The following PCDHB13 variants were observed in gnomAD, a reference collection of about 807,000 sequenced individuals.
PCDHB13 encodes protocadherin beta 13, also known as protocadherin beta-13.
For synonymous variants in PCDHB13, 515 were observed against 450.7 expected (o/e 1.14, Z -1.81); for missense variants, 1,065 against 1,016.7 (o/e 1.05, Z -0.65).
Position 141,218,597 on chromosome 5 carries a change from C to A in PCDHB13, c.*2077C>A, listed in dbSNP as rs1588393820. 6.6e-6 allele frequency: 1 copy of A among 152,670 alleles called. No individual in the cohort carries two copies. Among genetic ancestry groups the A allele is most frequent in the Non-Finnish European group, 1.5e-5 (1 of 68,662 alleles). The allele number at this position is 152,670 out of a possible 1,614,324, so 9.5% of individuals were successfully genotyped here. On this transcript the variant is annotated 3_prime_UTR_variant, in exon 1 of 1. Transcript: ENST00000341948. ...GGGACCACAGGCACATGCCACCCCC[C>A]ACAGCTATTTTTGTTTGTTTGTTTG...
chr5:141,214,532 A>C lies in PCDHB13; in HGVS notation c.409A>C (p.Lys137Gln). 1 of 1,613,868 alleles carries C rather than the reference A, an allele frequency of 6.2e-7. No homozygotes were observed. The highest frequency in any genetic ancestry group is 8.5e-7 in the Non-Finnish European group (1 of 1,179,932). Reference sequence around the variant, plus strand: ...CGACCACTCTCCAGTATTTCTGGACAAACAAATGTTGGTGAAAGTATCAGA... The same window carrying C: ...CGACCACTCTCCAGTATTTCTGGACCAACAAATGTTGGTGAAAGTATCAGA... Reference protein sequence around the residue: ...INDHSPVFLDKQMLVKVSESS... With the variant: ...INDHSPVFLDQQMLVKVSESS... The change falls in exon 1 of 1, where the codon AAA becomes CAA. Residue 137 changes from lysine (K) to glutamine (Q), a missense_variant. Physicochemically the swap from Lys to Gln is moderately conservative, Grantham distance 53. Transcript: ENST00000341948.
rs1174962941 is a variant in PCDHB13, at chr5:141,218,576, C to G, written c.*2056C>G. 1.3e-5 allele frequency: 2 copies of G among 152,748 alleles called. No homozygotes were observed. Among genetic ancestry groups the G allele is most frequent in the Non-Finnish European group, 2.9e-5 (2 of 68,414 alleles). 9.5% of individuals were successfully genotyped at this position (152,748 alleles called of 1,614,324 possible). ...GACGCAGCATCCCAAGTAGCCGGGA[C>G]CACAGGCACATGCCACCCCCCACAG... On this transcript the variant is annotated 3_prime_UTR_variant, in exon 1 of 1. Transcript: ENST00000341948.
Position 141,214,814 on chromosome 5 carries a change from A to G in PCDHB13, c.691A>G (p.Ile231Val), listed in dbSNP as rs782548849. The stretch of plus-strand genomic sequence containing the variant: ...CAGATCTGGCACTGCTCAGGTCTAC[A>G]TCGAAGTCCTGGATGTCAACGATAA... ...PPRSGTAQVY[I>V]EVLDVNDNAP... Residue 231 changes from isoleucine (I) to valine (V), a missense_variant, in exon 1 of 1, where the codon ATC (isoleucine) becomes GTC (valine). By Grantham distance (29) the Ile-to-Val change is conservative (BLOSUM62 3). Transcript: ENST00000341948. 1.7e-5 allele frequency: 28 copies of G among 1,614,122 alleles called. No homozygotes were observed. The highest frequency in any genetic ancestry group is 3.3e-4 in the Middle Eastern group (2 of 6,084).
At position 141,215,974 on chromosome 5, in the gene PCDHB13, G is replaced by T. The variant is rs1442524505; in HGVS notation, c.1851G>T (p.Val617=). ...LKATELGLFG[V]WAHNGEVRTA... ...CCACGGAGCTCGGTCTGTTCGGCGTGTGGGCGCACAATGGCGAGGTGCGCA... is the reference window on the plus strand; with the variant it reads ...CCACGGAGCTCGGTCTGTTCGGCGTTTGGGCGCACAATGGCGAGGTGCGCA... Residue 617 remains valine, a synonymous_variant, in exon 1 of 1, where the codon GTG becomes GTT. Coordinates refer to ENST00000341948, the MANE Select transcript of PCDHB13 (RefSeq NM_018933.4). 8 of 1,607,254 alleles carry T rather than the reference G, an allele frequency of 5.0e-6. No individual in the cohort carries two copies. The East Asian group carries it at 1.8e-4, about 36-fold the overall frequency.
In PCDHB13 at chr5:141,218,807, T is replaced by A. The variant is rs1033938796; in HGVS notation, c.*2287T>A. ...TTTTTGTAGAGATGGGTTCTCATCA[T>A]GTCGCCCAGGCTGTTGAACTTCTGG... On this transcript the variant is annotated 3_prime_UTR_variant, in exon 1 of 1. Transcript: ENST00000341948. The A allele has an allele frequency of 3.6e-5, 6 of 166,994 alleles. No individual in the cohort carries two copies. In the East Asian group the frequency reaches 9.6e-4, roughly 27 times the overall value. 10.3% of individuals were successfully genotyped at this position (166,994 alleles called of 1,614,324 possible).
At position 141,215,180 on chromosome 5, in the gene PCDHB13, T is replaced by C. The variant is rs1212822747; in HGVS notation, c.1057T>C (p.Phe353Leu). ...DHAPEVTMSA[F>L]TSPIPENAPE... ...TGCCCCAGAAGTTACCATGTCTGCA[T>C]TTACCAGCCCAATACCTGAGAACGC... The change falls in exon 1 of 1, where the codon TTT becomes CTT. Residue 353 changes from phenylalanine (F) to leucine (L), a missense_variant. Coordinates refer to ENST00000341948, the MANE Select transcript of PCDHB13 (RefSeq NM_018933.4). 17 of 1,614,038 alleles carry C rather than the reference T, an allele frequency of 1.1e-5. No homozygotes were observed. Among genetic ancestry groups the C allele is most frequent in the Non-Finnish European group, 1.4e-5 (16 of 1,180,040 alleles).
chr5:141,217,031 C>G lies in PCDHB13; in HGVS notation c.*511C>G, dbSNP rs138055555. On this transcript the variant is annotated 3_prime_UTR_variant, in exon 1 of 1. Transcript: ENST00000341948. The stretch of plus-strand genomic sequence containing the variant: ...AAAACCTATATCCTATGATACAACT[C>G]TAAGTGTTATCACTTGATTCGAAAG... The G allele has an allele frequency of 4.8e-6, 1 of 210,008 alleles. No homozygotes were observed. The highest frequency in any genetic ancestry group is 1.0e-5 in the Non-Finnish European group (1 of 98,074). The allele number at this position is 210,008 out of a possible 1,614,324, so 13.0% of individuals were successfully genotyped here.
chr5:141,215,947 G>A lies in PCDHB13; in HGVS notation c.1824G>A (p.Lys608=). ...CCTGGCTGTCGTACCAGCTGCTCAA[G>A]GCCACGGAGCTCGGTCTGTTCGGCG... ...QNAWLSYQLL[K]ATELGLFGVW... Residue 608 remains lysine, a synonymous_variant, in exon 1 of 1, where the codon AAG becomes AAA. Transcript: ENST00000341948. 2 of 1,607,568 alleles carry A rather than the reference G, an allele frequency of 1.2e-6. No homozygotes were observed. The highest frequency in any genetic ancestry group is 8.5e-7 in the Non-Finnish European group (1 of 1,179,452).
rs1172014715 is a variant in PCDHB13 at position 141,216,165 on chromosome 5, C to G, written c.2042C>G (p.Ala681Gly). Residue 681 changes from alanine to glycine, a missense_variant, in exon 1 of 1, where the codon GCC (alanine) becomes GGC (glycine). Coordinates refer to ENST00000341948, the MANE Select transcript of PCDHB13 (RefSeq NM_018933.4). Reference protein sequence around the residue: ...LPLPEAAPTQAQADLLTVYLV... With the variant: ...LPLPEAAPTQGQADLLTVYLV... ...CTCCCGGAGGCGGCCCCGACCCAGG[C>G]CCAGGCCGACTTGCTCACCGTCTAC... 3 of 1,612,030 alleles carry G rather than the reference C, an allele frequency of 1.9e-6. No homozygotes were observed. Among genetic ancestry groups the G allele is most frequent in the East Asian group, 2.2e-5 (1 of 44,886 alleles).
At position 141,214,147 on chromosome 5, in the gene PCDHB13, T is replaced by C. The variant is rs782273709; in HGVS notation, c.24T>C (p.Ile8=). 5.0e-6 allele frequency: 8 copies of C among 1,613,986 alleles called. No individual in the cohort carries two copies. Among genetic ancestry groups the C allele is most frequent in the Non-Finnish European group, 6.8e-6 (8 of 1,179,996 alleles). ...CAATGGAGGCCAGCGGGAAGCTCAT[T>C]TGCAGACAAAGGCAAGTCCTTTTTT... MEASGKL[I]CRQRQVLFSF... Residue 8 remains isoleucine, a synonymous_variant, in exon 1 of 1, where the codon ATT becomes ATC. Coordinates refer to ENST00000341948, the MANE Select transcript of PCDHB13 (RefSeq NM_018933.4).
chr5:141,217,081 T>C lies in PCDHB13; in HGVS notation c.*561T>C, dbSNP rs1754635386. On this transcript the variant is annotated 3_prime_UTR_variant, in exon 1 of 1. Coordinates refer to ENST00000341948, the MANE Select transcript of PCDHB13 (RefSeq NM_018933.4). ...GGGTCAGAAGACCAGTTTTTTAGTA[T>C]CCTTTCCTCATTCATCCTGGAGAGG... is the stretch of plus-strand genomic sequence containing the variant. 1 of 176,848 alleles carries C rather than the reference T, an allele frequency of 5.7e-6. No homozygotes were observed. The highest frequency in any genetic ancestry group is 1.3e-5 in the Non-Finnish European group (1 of 75,360). The allele number at this position is 176,848 out of a possible 1,614,324, so 11.0% of individuals were successfully genotyped here.
chr5:141,214,959 C>G lies in PCDHB13; in HGVS notation c.836C>G (p.Ser279Cys), dbSNP rs2149681421. The change falls in exon 1 of 1, where the codon TCC (serine) becomes TGC (cysteine). Residue 279 changes from serine (S) to cysteine (C), a missense_variant. Ser to Cys is a moderately radical substitution (Grantham distance 112). Transcript: ENST00000341948. ...GACACAGGAGTCAACGGAGAGATTT[C>G]CTATTCACTTTTCCAAGCTTCAGAA... ...DVDTGVNGEI[S>C]YSLFQASEEI... 6.2e-7 allele frequency: 1 copy of G among 1,614,148 alleles called. No homozygotes were observed. The highest frequency in any genetic ancestry group is 2.2e-5 in the East Asian group (1 of 44,878).
rs782040141 is a variant in PCDHB13, at chr5:141,214,779, G to A, written c.656G>A (p.Gly219Asp). 6.2e-7 allele frequency: 1 copy of A among 1,614,190 alleles called. No homozygotes were observed. Among genetic ancestry groups the A allele is most frequent in the South Asian group, 1.1e-5 (1 of 91,086 alleles). Residue 219 changes from glycine (G) to aspartate (D), a missense_variant, in exon 1 of 1, where the codon GGC becomes GAC. Transcript: ENST00000341948. ...LRLTLTALDG[G>D]SPPRSGTAQV... ...TTAACACTCACAGCACTGGATGGTG[G>A]CTCTCCGCCCAGATCTGGCACTGCT... is the stretch of plus-strand genomic sequence containing the variant.
At position 141,215,480 on chromosome 5, in the gene PCDHB13, C is replaced by G. The variant is rs1554287932; in HGVS notation, c.1357C>G (p.Gln453Glu). The G allele has an allele frequency of 3.7e-6, 6 of 1,614,204 alleles. No homozygotes were observed. Among genetic ancestry groups the G allele is most frequent in the Non-Finnish European group, 4.2e-6 (5 of 1,180,042 alleles). Residue 453 changes from glutamine to glutamate, a missense_variant, in exon 1 of 1, where the codon CAA becomes GAA. Coordinates refer to ENST00000341948, the MANE Select transcript of PCDHB13 (RefSeq NM_018933.4). ...CAATGACAACGCTCCCGCCTTCACC[C>G]AAACCTCCTACACCCTGTTCGTCCG... ...DVNDNAPAFT[Q>E]TSYTLFVREN...
At position 141,216,022 on chromosome 5, in the gene PCDHB13, C is replaced by G. The variant is rs376579786; in HGVS notation, c.1899C>G (p.Arg633=). 9.9e-4 allele frequency: 1,592 copies of G among 1,607,022 alleles called. 13 individuals are homozygous for G. In the South Asian group the frequency reaches 0.01, roughly 10 times the overall value. The change falls in exon 1 of 1, where the codon CGC becomes CGG. Residue 633 remains arginine, a synonymous_variant. Coordinates refer to ENST00000341948, the MANE Select transcript of PCDHB13 (RefSeq NM_018933.4). ...GCACCGCCAGGCTGCTGAGCGAGCG[C>G]GACGCGGCCAAGCACAGGCTGGTGG... The part of the protein sequence containing the change: ...EVRTARLLSE[R]DAAKHRLVVL...
Position 141,214,414 on chromosome 5 carries a change from C to T in PCDHB13, c.291C>T (p.Cys97=). ...AGAAATTGGACCGTGAGGATCTGTGCGGTCACACAGAGCCCTGTGTGCTAC... is the reference window on the plus strand; with the variant it reads ...AGAAATTGGACCGTGAGGATCTGTGTGGTCACACAGAGCCCTGTGTGCTAC... ...LNEKLDREDL[C]GHTEPCVLRF... is the part of the protein sequence containing the mutation. The change falls in exon 1 of 1, where the codon TGC becomes TGT. Residue 97 remains cysteine, a synonymous_variant. Transcript: ENST00000341948. The T allele has an allele frequency of 7.1e-7, 1 of 1,411,730 alleles. No homozygotes were observed. Among genetic ancestry groups the T allele is most frequent in the Non-Finnish European group, 1.0e-6 (1 of 1,002,892 alleles). The allele number at this position is 1,411,730 out of a possible 1,614,324, so 87.5% of individuals were successfully genotyped here. A position where few individuals can be genotyped will look rare whatever the true frequency, so the allele number is the denominator to read the frequency against.
At position 141,218,019 on chromosome 5, in the gene PCDHB13, C is replaced by T. The variant is rs1334016125; in HGVS notation, c.*1499C>T. 4 of 160,084 alleles carry T rather than the reference C, an allele frequency of 2.5e-5. No homozygotes were observed. Among genetic ancestry groups the T allele is most frequent in the African/African-American group, 9.7e-5 (4 of 41,272 alleles). 9.9% of individuals were successfully genotyped at this position (160,084 alleles called of 1,614,324 possible). ...TGTGATCTCCACTCACTGTGATCTC[C>T]ACTCACTGCAACCTCCACCTCCTGG... On this transcript the variant is annotated 3_prime_UTR_variant, in exon 1 of 1. Coordinates refer to ENST00000341948, the MANE Select transcript of PCDHB13 (RefSeq NM_018933.4).
In PCDHB13 at chr5:141,218,858, C is replaced by A. The variant is rs1222742479; in HGVS notation, c.*2338C>A. 1.8e-5 allele frequency: 3 copies of A among 167,010 alleles called. No homozygotes were observed. The highest frequency in any genetic ancestry group is 2.9e-5 in the Non-Finnish European group (2 of 68,156). The allele number at this position is 167,010 out of a possible 1,614,324, so 10.3% of individuals were successfully genotyped here. A position where few individuals can be genotyped will look rare whatever the true frequency, so the allele number is the denominator to read the frequency against. On this transcript the variant is annotated 3_prime_UTR_variant, in exon 1 of 1. Transcript: ENST00000341948. ...CCTCCAAAGGTGGGAGTTATTCTAG[C>A]AGCTTCCCTGTGATCTTCTCATATC...
rs1459817349 is a variant in PCDHB13, at chr5:141,215,731, C to G, written c.1608C>G (p.His536Gln). ...AGTTCCGCGTGGGCGCTTCAGACCA[C>G]GGCTCCCCGGCGCTGAGCAGCGAGG... Reference protein sequence around the residue: ...GFQFRVGASDHGSPALSSEAL... With the variant: ...GFQFRVGASDQGSPALSSEAL... The change falls in exon 1 of 1, where the codon CAC (histidine) becomes CAG (glutamine). Residue 536 changes from histidine (H) to glutamine (Q), a missense_variant. His to Gln is a conservative substitution (Grantham distance 24, BLOSUM62 0). Transcript: ENST00000341948. The G allele has an allele frequency of 6.2e-7, 1 of 1,612,194 alleles. No individual in the cohort carries two copies. Among genetic ancestry groups the G allele is most frequent in the Non-Finnish European group, 8.5e-7 (1 of 1,179,776 alleles).
Sources: gnomAD v4.1 joint callset for allele counts on GRCh38, gnomAD v4.1.1 for gene constraint, MANE v1.5 for transcripts, NCBI Gene and HGNC (gene_info 2026-07-23, HGNC 2026-07-21) for gene names.